The following PI4KA variants were observed in gnomAD, a reference collection of about 807,000 sequenced individuals.
PI4KA encodes PI4-kinase alpha.
PI4KA carries 122 observed loss-of-function variants against 271.4 expected under a neutral mutation model. That is an observed-to-expected ratio of 0.45 (90% CI 0.39 to 0.52). The LOEUF (loss-of-function observed/expected upper bound fraction) is 0.52, where lower values mean the gene tolerates loss of function less well. PI4KA is among the 20% of genes least tolerant of loss of function. The probability of loss-of-function intolerance (pLI) is 0.00; values close to 1 mark genes in which losing one functional copy is unlikely to be tolerated. For synonymous variants in PI4KA, 1,041 were observed against 1,078.8 expected, an observed-to-expected ratio of 0.96 and a Z score of 0.69; for missense variants, 1,969 against 2,769.1, an observed-to-expected ratio of 0.71 and a Z score of 6.48.
At chr22:20,804,066 G>A (rs1002666148) in intron 12 of PI4KA, among the ~76,000 whole-genome samples, 27 of 152,212 alleles carry the variant, frequency 1.8e-4, no homozygotes, top group Non-Finnish European at 7.3e-5. Flanking sequence ...CAACAACGGA[G>A]AACTGAAGCC....
In PI4KA at chr22:20,712,802, G is replaced by A; in HGVS notation, c.5572-5C>T. 1 of 1,550,516 alleles carries A rather than the reference G, an allele frequency of 6.4e-7. No individual in the cohort carries two copies. The highest frequency in any genetic ancestry group is 8.7e-7 in the Non-Finnish European group (1 of 1,147,276). ...GATCTGCAGGGCCAGCATGTCCTGG[G>A]AAGCCGGGAGGCGCAGGATGCGGTC... On this transcript the variant is annotated splice_polypyrimidine_tract_variant and splice_region_variant and intron_variant, in intron 48 of 54. Coordinates refer to ENST00000255882, the MANE Select transcript of PI4KA (RefSeq NM_058004.4).
At chr22:20,710,226 T>C in intron 52 of PI4KA, 2 of 599,090 alleles carry the variant, frequency 3.3e-6, no homozygotes, top group East Asian at 2.9e-5. Flanking sequence ...CTGAGTGTCC[T>C]GCCCTGTCCC....
chr22:20,803,441 G>T, intron 12 of PI4KA, 121 bp from the exon 13 acceptor site: 1 of 1,078,648 alleles, frequency 9.3e-7, no homozygotes, highest in Non-Finnish European at 1.4e-6. Flanking sequence ...GAAGGTCAAA[G>T]CTCCCACAGG....
chr22:20,856,305 C>T (rs1288833707), intron 1 of PI4KA, among the ~76,000 whole-genome samples: 28 of 152,012 alleles, frequency 1.8e-4, no homozygotes, highest in Admixed American at 1.8e-3. Flanking sequence ...GAGCGAGACT[C>T]CCTCTCAAAA....
rs942798575 is a variant in PI4KA, at chr22:20,848,819, GA to G, written c.156+9750del. ...AACACAAAAAGCACAAGGGACAAAA[GA>G]AAAAAAAAATGACAAAATGGACATC... On this transcript the variant is annotated intron_variant, in intron 1 of 54. Coordinates refer to ENST00000255882, the MANE Select transcript of PI4KA (RefSeq NM_058004.4). Among the ~76,000 whole-genome samples the G allele has an allele frequency of 2.3e-3, 324 of 143,242 alleles. 1 individual carries two copies. The highest frequency in any genetic ancestry group is 7.5e-3 in the African/African-American group (291 of 39,014). The allele number at this position is 143,242 out of a possible 152,430, so 94.0% of individuals were successfully genotyped here.
chr22:20,737,884 GC>G (rs1928928437), intron 32 of PI4KA, among the ~76,000 whole-genome samples: 1 of 152,174 alleles, frequency 6.6e-6, no homozygotes, highest in Non-Finnish European at 1.5e-5. Flanking sequence ...ACCCGCCTCG[GC>G]CTCCCAAAGT....
At chr22:20,747,732 G>A (rs1376473189) in intron 28 of PI4KA, 30 bp from the exon 29 acceptor site, 2 of 1,604,100 alleles carry the variant, frequency 1.2e-6, no homozygotes, top group African/African-American at 1.3e-5. Flanking sequence ...TGGGGTTTCA[G>A]TTATTTATCT....
At chr22:20,712,441 G>A (rs1438200941) in intron 50 of PI4KA, 45 bp downstream of exon 50, 5 of 1,600,046 alleles carry the variant, frequency 3.1e-6, no homozygotes, top group Non-Finnish European at 1.7e-6. Flanking sequence ...CTGGGGTGGG[G>A]TGGAGCACAC....
At chr22:20,813,116 C>T (rs1921283031) in intron 8 of PI4KA, among the ~76,000 whole-genome samples, 1 of 152,172 alleles carries the variant, frequency 6.6e-6, no homozygotes, top group Non-Finnish European at 1.5e-5. Flanking sequence ...GATTTCCTGA[C>T]CTCCAAATGG....
intron 34 of PI4KA, 62 bp from the exon 35 acceptor site, chr22:20,733,905 T>C (rs930352067): frequency 1.9e-6 from 3 of 1,609,994 alleles, no homozygotes; most frequent in South Asian, 2.2e-5. Flanking sequence ...GTTCACCTTA[T>C]GGACTCTCTT....
At chr22:20,775,820 A>C (rs1601464152) in intron 19 of PI4KA, among the ~76,000 whole-genome samples, 1 of 152,264 alleles carries the variant, frequency 6.6e-6, no homozygotes, top group East Asian at 1.9e-4. Flanking sequence ...CAAAAGGCCA[A>C]GAAGTGATAA....
intron 19 of PI4KA, chr22:20,780,177 A>C (rs1933656993): frequency 6.2e-7 from 1 of 1,614,138 alleles, no homozygotes; most frequent in Admixed American, 1.7e-5. Flanking sequence ...CCAGATGATG[A>C]TTCTCAACTG....
intron 15 of PI4KA, 51 bp from the exon 16 acceptor site, chr22:20,799,327 G>GT: frequency 6.9e-7 from 1 of 1,452,820 alleles, no homozygotes; most frequent in Non-Finnish European, 9.2e-7. Flanking sequence ...CCAGCATGCA[G>GT]TAGTGAAACA....
chr22:20,819,490 G>A (rs1320713633), intron 6 of PI4KA, 151 bp downstream of exon 6: 1 of 713,552 alleles, frequency 1.4e-6, no homozygotes, highest in Non-Finnish European at 2.3e-6. Flanking sequence ...ATCTTAAGAG[G>A]GACAAGACAA....
chr22:20,793,557 C>T (rs1934783985), intron 18 of PI4KA, among the ~76,000 whole-genome samples: 1 of 151,992 alleles, frequency 6.6e-6, no homozygotes, highest in Non-Finnish European at 1.5e-5. Context: ...ATGGAAAGAG[C>T]CCACAGCACA....
intron 42 of PI4KA, among the ~76,000 whole-genome samples, chr22:20,724,133 T>C (rs1279005862): frequency 2.6e-5 from 3 of 117,528 alleles, no homozygotes; most frequent in South Asian, 2.8e-4. Context: ...CCACTGCGCC[T>C]AGCCATTAAT....
At chr22:20,787,013 C>T (rs746100350) in intron 19 of PI4KA, 35 of 1,614,030 alleles carry the variant, frequency 2.2e-5, no homozygotes, top group South Asian at 1.1e-4. Flanking sequence ...CTACGAGCAT[C>T]GCACCAGCTG....
intron 19 of PI4KA, among the ~76,000 whole-genome samples, chr22:20,770,617 C>G (rs1932832338): frequency 6.7e-6 from 1 of 148,268 alleles, no homozygotes; most frequent in Admixed American, 6.8e-5. Context: ...CACACACACA[C>G]ACACACACAC....
intron 14 of PI4KA, among the ~76,000 whole-genome samples, chr22:20,800,798 C>T (rs1456101605): frequency 6.7e-6 from 1 of 149,808 alleles, no homozygotes; most frequent in African/African-American, 2.4e-5. Flanking sequence ...GGCGTGAACC[C>T]AGGAGGCGGA....
Sources: gnomAD v4.1 joint callset for allele counts (sites outside exome capture counted in the v4.1 genomes callset) on GRCh38, gnomAD v4.1.1 for gene constraint, MANE v1.5 for transcripts, NCBI Gene and HGNC (gene_info 2026-07-23, HGNC 2026-07-21) for gene names.